The following MYO3A variants were observed in gnomAD, a reference collection of about 807,000 sequenced individuals.
MYO3A encodes myosin IIIA, also known as myosin-IIIa.
MYO3A carries 180 observed loss-of-function variants against 192.7 expected under a neutral mutation model. The ratio of observed to expected loss-of-function variants is 0.93; its 90% confidence interval spans 0.83 to 1.06. The LOEUF (loss-of-function observed/expected upper bound fraction) is 1.06, where lower values mean the gene tolerates loss of function less well. Among genes scored for constraint, MYO3A ranks in the 50% least tolerant of loss-of-function variants. The probability of loss-of-function intolerance (pLI) is 0.00; values close to 1 mark genes in which losing one functional copy is unlikely to be tolerated. For synonymous variants in MYO3A, 628 were observed against 645.3 expected (o/e 0.97, Z 0.41); for missense variants, 1,896 against 1,905.0 (o/e 1.00, Z 0.09).
At chr10:26,161,846 AGCACGTGT>A (rs1317712313) in intron 26 of MYO3A, among the ~76,000 whole-genome samples, 1 of 152,174 alleles carries the variant, frequency 6.6e-6, no homozygotes, top group African/African-American at 2.4e-5. Context: ...GCCCTCCATA[AGCACGTGT>A]GGCTTACCTA....
At chr10:26,195,096 C>T (rs929892612) in intron 32 of MYO3A, among the ~76,000 whole-genome samples, 1 of 152,162 alleles carries the variant, frequency 6.6e-6, no homozygotes, top group Non-Finnish European at 1.5e-5. Context: ...ACTCCCCACC[C>T]CCTGCCCCAA....
intron 31 of MYO3A, among the ~76,000 whole-genome samples, chr10:26,178,563 A>C (rs1307993725): frequency 6.6e-6 from 1 of 151,492 alleles, no homozygotes; most frequent in Non-Finnish European, 1.5e-5. Context: ...AAAAAAAAAA[A>C]AAGCAAAAAG....
At chr10:26,107,799 C>T (rs1317029159) in intron 17 of MYO3A, among the ~76,000 whole-genome samples, 1 of 151,342 alleles carries the variant, frequency 6.6e-6, no homozygotes, top group Admixed American at 6.6e-5. Context: ...AAGGGGGTTT[C>T]GAATCTTAAA....
intron 34 of MYO3A, among the ~76,000 whole-genome samples, chr10:26,210,569 G>A (rs912988680): frequency 1.3e-5 from 2 of 152,150 alleles, no homozygotes; most frequent in South Asian, 2.1e-4. Flanking sequence ...CTCTTAACAG[G>A]CCTTCCTACT....
At position 26,045,365 on chromosome 10, in the gene MYO3A, ATTAG is replaced by A. The variant is rs1293373024; in HGVS notation, c.953+18834_953+18837del. On this transcript the variant is annotated intron_variant, in intron 10 of 34. Coordinates refer to ENST00000642920, the MANE Select transcript of MYO3A (RefSeq NM_017433.5). The stretch of plus-strand genomic sequence containing the variant: ...TGTACCCCTAACTTGTATGGGTGGC[ATTAG>A]ATAGATAGATAGATAGATAGATAGA... Among the ~76,000 whole-genome samples, 358 of 110,340 alleles carry A rather than the reference ATTAG, an allele frequency of 3.2e-3. 3 individuals carry two copies. Among genetic ancestry groups the A allele is most frequent in the African/African-American group, 0.011 (347 of 30,336 alleles). 72.4% of individuals were successfully genotyped at this position (110,340 alleles called of 152,430 possible).
At chr10:26,162,922 G>T (rs147965341) in intron 26 of MYO3A, among the ~76,000 whole-genome samples, 2 of 152,332 alleles carry the variant, frequency 1.3e-5, no homozygotes, top group East Asian at 3.9e-4. Context: ...ACATTGAGGA[G>T]AGTTTTTAGA....
At chr10:26,159,219 T>C (rs1415815061) in intron 26 of MYO3A, among the ~76,000 whole-genome samples, 3 of 151,582 alleles carry the variant, frequency 2.0e-5, no homozygotes, top group Non-Finnish European at 4.4e-5. Context: ...CTCCATCTCC[T>C]GACCTCGTGA....
intron 2 of MYO3A, among the ~76,000 whole-genome samples, chr10:25,947,591 C>G (rs1264183421): frequency 6.6e-6 from 1 of 151,868 alleles, no homozygotes; most frequent in Non-Finnish European, 1.5e-5. Context: ...CAGGGTTTCT[C>G]CATGTTGGTC....
At position 26,174,252 on chromosome 10, in the gene MYO3A, A is replaced by G; in HGVS notation, c.3988A>G (p.Thr1330Ala). 6.2e-7 allele frequency: 1 copy of G among 1,614,148 alleles called. No homozygotes were observed. The highest frequency in any genetic ancestry group is 8.5e-7 in the Non-Finnish European group (1 of 1,180,008). Residue 1330 changes from threonine (T) to alanine (A), a missense_variant, in exon 30 of 35, where the codon ACA becomes GCA. By Grantham distance (58) the Thr-to-Ala change is moderately conservative. Coordinates refer to ENST00000642920, the MANE Select transcript of MYO3A (RefSeq NM_017433.5). ...AGGCAGAGGCCGTCTGAGGCATGAG[A>G]CAGTCAAAGAGAGGCAAGTTGAACC... ...EEGRGRLRHE[T>A]VKERQVEPVT...
intron 2 of MYO3A, among the ~76,000 whole-genome samples, chr10:25,948,547 C>T (rs941298955): frequency 3.9e-5 from 6 of 151,922 alleles, no homozygotes; most frequent in Non-Finnish European, 8.8e-5. Context: ...ATTTTATAGG[C>T]TAGAGAATTA....
At chr10:26,011,081 C>T (rs964295221) in intron 6 of MYO3A, among the ~76,000 whole-genome samples, 2 of 152,140 alleles carry the variant, frequency 1.3e-5, no homozygotes, top group Non-Finnish European at 2.9e-5. Flanking sequence ...TGCAATCTTT[C>T]GGCTCACTGC....
chr10:26,032,042 A>G (rs1185536063), intron 10 of MYO3A, among the ~76,000 whole-genome samples: 1 of 152,234 alleles, frequency 6.6e-6, no homozygotes, highest in Non-Finnish European at 1.5e-5. Context: ...TTAATATTTT[A>G]CTTGATGCTC....
At chr10:26,138,988 C>G (rs551467219) in intron 20 of MYO3A, among the ~76,000 whole-genome samples, 1 of 152,162 alleles carries the variant, frequency 6.6e-6, no homozygotes, top group East Asian at 1.9e-4. Flanking sequence ...GCTAGCTTCA[C>G]AAATCGTCAG....
At chr10:26,082,877 A>G (rs1335108912) in intron 14 of MYO3A, among the ~76,000 whole-genome samples, 1 of 151,924 alleles carries the variant, frequency 6.6e-6, no homozygotes, top group Non-Finnish European at 1.5e-5. Context: ...ATCAGAAAAC[A>G]TTTTCTGTTC....
At chr10:25,945,764 C>G (rs1008570606) in intron 2 of MYO3A, among the ~76,000 whole-genome samples, 2 of 152,046 alleles carry the variant, frequency 1.3e-5, no homozygotes, top group African/African-American at 4.8e-5. Context: ...TAGAGAAGAA[C>G]TTACCATTAT....
chr10:25,989,549 T>C (rs1393430822), intron 4 of MYO3A, among the ~76,000 whole-genome samples: 3 of 152,142 alleles, frequency 2.0e-5, no homozygotes, highest in Non-Finnish European at 4.4e-5. Context: ...TGTGCCTCAG[T>C]TTTTTCATGT....
At chr10:26,014,609 A>G (rs1564460867) in intron 6 of MYO3A, among the ~76,000 whole-genome samples, 3 of 152,130 alleles carry the variant, frequency 2.0e-5, no homozygotes. Flanking sequence ...GGAACAGTCT[A>G]GGAAGCATTG....
At chr10:26,173,570 T>G in intron 29 of MYO3A, 93 bp from the exon 30 acceptor site, 2 of 1,185,580 alleles carry the variant, frequency 1.7e-6, no homozygotes, top group Non-Finnish European at 2.4e-6. Flanking sequence ...CTTTTGCCTT[T>G]CTCCCACCGG....
chr10:26,059,504 G>C (rs1244839739), intron 10 of MYO3A, among the ~76,000 whole-genome samples: 1 of 152,130 alleles, frequency 6.6e-6, no homozygotes, highest in African/African-American at 2.4e-5. Flanking sequence ...TCACCCATCA[G>C]TCACCACCCC....
Sources: gnomAD v4.1 joint callset for allele counts (sites outside exome capture counted in the v4.1 genomes callset) on GRCh38, gnomAD v4.1.1 for gene constraint, MANE v1.5 for transcripts, NCBI Gene and HGNC (gene_info 2026-07-23, HGNC 2026-07-21) for gene names.